The following SLC45A2 variants were observed in gnomAD, a reference collection of about 807,000 sequenced individuals.
SLC45A2 encodes the protein solute carrier family 45 member 2, also known as membrane-associated transporter protein.
A neutral mutation model predicts 45.5 loss-of-function variants in SLC45A2; 36 were observed. That is an observed-to-expected ratio of 0.79 (90% confidence interval 0.61 to 1.04). SLC45A2 has a LOEUF of 1.04. Ranked by LOEUF, SLC45A2 falls within the 50% of genes least tolerant of loss-of-function variation. The pLI, the probability that SLC45A2 is intolerant of heterozygous loss-of-function variation, is 0.00. For synonymous variants in SLC45A2, 306 were observed against 269.3 expected, an observed-to-expected ratio of 1.14 and a Z score of -1.33; for missense variants, 719 against 671.0, an observed-to-expected ratio of 1.07 and a Z score of -0.79.
At chr5:33,953,278 C>T (rs1752172334) in intron 4 of SLC45A2, among the ~76,000 whole-genome samples, 2 of 108,792 alleles carry the variant, frequency 1.8e-5, no homozygotes, top group Admixed American at 1.8e-4. Context: ...ACACTGACTT[C>T]CACAATGGTT....
intron 2 of SLC45A2, chr5:33,971,439 C>CTT: frequency 2.4e-6 from 1 of 424,988 alleles, no homozygotes; most frequent in South Asian, 1.9e-5. Flanking sequence ...AACTTTTTTC[C>CTT]TTTTTTTTTG....
intron 5 of SLC45A2, among the ~76,000 whole-genome samples, chr5:33,951,016 G>T (rs1384992481): frequency 2.0e-5 from 3 of 152,178 alleles, no homozygotes; most frequent in East Asian, 1.9e-4. Flanking sequence ...ACTTAGGTAA[G>T]TGGAGGTTAA....
chr5:33,965,248 T>A (rs1450600990), intron 2 of SLC45A2, among the ~76,000 whole-genome samples: 1 of 151,946 alleles, frequency 6.6e-6, no homozygotes, highest in African/African-American at 2.4e-5. Context: ...ACTAAAGGAG[T>A]TCCTCTCTAA....
intron 3 of SLC45A2, among the ~76,000 whole-genome samples, chr5:33,960,153 G>A (rs1231147332): frequency 1.3e-5 from 2 of 152,088 alleles, no homozygotes; most frequent in African/African-American, 4.8e-5. Flanking sequence ...AGTTCTTTCA[G>A]GAATCTCCAC....
chr5:33,969,063 C>CTCTCTCTCTCTCTCTT (rs1554055531), intron 2 of SLC45A2, among the ~76,000 whole-genome samples: 1 of 62,770 alleles, frequency 1.6e-5, no homozygotes, highest in Admixed American at 1.4e-4. Flanking sequence ...CTCTCTCTCT[C>CTCTCTCTCTCTCTCTT]TCTGTGTGTG....
In SLC45A2 at chr5:33,944,828, C is replaced by G. The variant is rs1181679365; in HGVS notation, c.1413G>C (p.Gly471=). The change falls in exon 7 of 7, where the codon GGG becomes GGC. Residue 471 remains glycine, a synonymous_variant. Coordinates refer to ENST00000296589, the MANE Select transcript of SLC45A2 (RefSeq NM_016180.5). ...TGAGGGTGGCGCAGTCCATGCCCTT[C>G]CCTCTCACGCTGTTGTCTGGGTCCC... ...PGGDPDNSVR[G]KGMDCATLTC... The G allele has an allele frequency of 9.9e-6, 16 of 1,614,072 alleles. No homozygotes were observed. Among genetic ancestry groups the G allele is most frequent in the Non-Finnish European group, 1.4e-5 (16 of 1,179,962 alleles).
At chr5:33,946,830 C>A (rs1303278406) in intron 6 of SLC45A2, 2 of 1,285,048 alleles carry the variant, frequency 1.6e-6, no homozygotes, top group African/African-American at 3.0e-5. Context: ...TACAGAAGAC[C>A]TGGGTCCCCC....
At chr5:33,945,526 T>G (rs534788444) in intron 6 of SLC45A2, among the ~76,000 whole-genome samples, 2 of 150,556 alleles carry the variant, frequency 1.3e-5, no homozygotes, top group East Asian at 4.3e-4. Context: ...GGGTATCGCT[T>G]ATGTGCTGGG....
chr5:33,976,870 C>T (rs1752941890), intron 2 of SLC45A2, among the ~76,000 whole-genome samples: 1 of 152,188 alleles, frequency 6.6e-6, no homozygotes, highest in African/African-American at 2.4e-5. Context: ...CCATCCACAT[C>T]CCATCCAAGC....
chr5:33,976,799 T>G (rs182630290), intron 2 of SLC45A2, among the ~76,000 whole-genome samples: 2 of 152,184 alleles, frequency 1.3e-5, no homozygotes, highest in East Asian at 3.8e-4. Context: ...ATCTTCATTA[T>G]GCAAAGAAGG....
intron 5 of SLC45A2, among the ~76,000 whole-genome samples, chr5:33,951,143 TTGTCACC>T (rs1213114442): frequency 1.3e-5 from 2 of 152,208 alleles, no homozygotes; most frequent in Non-Finnish European, 2.9e-5. Flanking sequence ...CATGCTGACT[TTGTCACC>T]TGTCATATTA....
At chr5:33,979,216 C>T (rs890535057) in intron 2 of SLC45A2, among the ~76,000 whole-genome samples, 5 of 152,226 alleles carry the variant, frequency 3.3e-5, no homozygotes, top group Non-Finnish European at 4.4e-5. Flanking sequence ...GTAAGATGTA[C>T]ATTGGTTTGG....
intron 3 of SLC45A2, among the ~76,000 whole-genome samples, chr5:33,959,486 G>A (rs1015438087): frequency 6.6e-6 from 1 of 151,642 alleles, no homozygotes; most frequent in South Asian, 2.1e-4. Flanking sequence ...CAGGCATTAG[G>A]AGACCTAAAA....
chr5:33,967,569 G>A (rs1349865257), intron 2 of SLC45A2, among the ~76,000 whole-genome samples: 1 of 152,148 alleles, frequency 6.6e-6, no homozygotes, highest in African/African-American at 2.4e-5. Flanking sequence ...GTACTTTGTT[G>A]TCACAGGATA....
intron 5 of SLC45A2, among the ~76,000 whole-genome samples, chr5:33,951,137 C>T (rs995225845): frequency 1.3e-5 from 2 of 151,982 alleles, no homozygotes; most frequent in Admixed American, 1.3e-4. Flanking sequence ...ATTTTGCATG[C>T]TGACTTTGTC....
intron 6 of SLC45A2, chr5:33,945,786 A>T (rs1751903785): frequency 8.4e-6 from 2 of 239,072 alleles, no homozygotes; most frequent in African/African-American, 2.4e-5. Context: ...ATGATTTCCT[A>T]CACTATTAGG....
intron 2 of SLC45A2, 114 bp from the exon 3 acceptor site, chr5:33,964,130 G>T: frequency 9.6e-7 from 1 of 1,041,146 alleles, no homozygotes. Flanking sequence ...GAGGCAACCT[G>T]GATATAATTG....
At chr5:33,945,149 A>T (rs1751883812) in intron 6 of SLC45A2, among the ~76,000 whole-genome samples, 1 of 152,176 alleles carries the variant, frequency 6.6e-6, no homozygotes, top group African/African-American at 2.4e-5. Flanking sequence ...CTGAATATTG[A>T]TGGGTATTAG....
At chr5:33,966,919 T>A (rs927195971) in intron 2 of SLC45A2, among the ~76,000 whole-genome samples, 1 of 152,174 alleles carries the variant, frequency 6.6e-6, no homozygotes, top group African/African-American at 2.4e-5. Context: ...TCCATTCCTA[T>A]CTTTGTGCTT....
Sources: allele counts gnomAD v4.1 joint callset (sites outside exome capture counted in the v4.1 genomes callset), GRCh38; gene constraint gnomAD v4.1.1; transcripts MANE v1.5; gene names NCBI Gene and HGNC (gene_info 2026-07-23, HGNC 2026-07-21).